NEK7: variants seen among roughly 807,000 people sequenced by gnomAD.
The protein encoded by NEK7 is NIMA related kinase 7.
A neutral mutation model predicts 44.6 loss-of-function variants in NEK7; 18 were observed. That is an observed-to-expected ratio of 0.40 (90% confidence interval 0.28 to 0.60). NEK7 has a LOEUF of 0.60. Among genes scored for constraint, NEK7 ranks in the 20% least tolerant of loss-of-function variants. NEK7 has a pLI of 0.38. For synonymous variants in NEK7, 130 were observed against 121.1 expected (o/e 1.07, Z -0.48); for missense variants, 256 against 366.5 (o/e 0.70, Z 2.46).
intron 1 of NEK7, among the ~76,000 whole-genome samples, chr1:198,231,705 A>G (rs1666403168): frequency 6.6e-6 from 1 of 152,078 alleles, no homozygotes; most frequent in Admixed American, 6.6e-5. Flanking sequence ...TAGAAAGACA[A>G]GTCACAGGGT....
intron 7 of NEK7, among the ~76,000 whole-genome samples, chr1:198,286,164 C>G (rs1654362504): frequency 6.6e-6 from 1 of 152,150 alleles, no homozygotes; most frequent in Non-Finnish European, 1.5e-5. Context: ...CTCATATGGA[C>G]TAAGTGCCAT....
chr1:198,316,765 G>A (rs939784884), intron 9 of NEK7, among the ~76,000 whole-genome samples: 3 of 152,122 alleles, frequency 2.0e-5, no homozygotes, highest in African/African-American at 7.2e-5. Flanking sequence ...ATACTCCATT[G>A]GAAACTATTG....
chr1:198,283,456 A>G (rs1654272671), intron 7 of NEK7, among the ~76,000 whole-genome samples: 1 of 152,056 alleles, frequency 6.6e-6, no homozygotes, highest in Non-Finnish European at 1.5e-5. Context: ...TCTGTGATCT[A>G]AACGGTTGTT....
In NEK7 at chr1:198,218,864, CT is replaced by C. The variant is rs1474944877; in HGVS notation, c.-28-13687del. ...AATTAAAACCACAATGAGATACCAC[CT>C]TACCCCAGCCAGAATGGCCCTTATT... On this transcript the variant is annotated intron_variant, in intron 1 of 9. Transcript: ENST00000367385. 9.2e-5 allele frequency among the ~76,000 whole-genome samples: 14 copies of C among 152,132 alleles called. No individual in the cohort carries two copies. The South Asian group carries it at 1.2e-3, about 14-fold the overall frequency.
intron 1 of NEK7, among the ~76,000 whole-genome samples, chr1:198,231,301 G>GTGTA (rs1429354895): frequency 1.3e-4 from 11 of 86,956 alleles, no homozygotes; most frequent in South Asian, 8.8e-4. Context: ...ATGTGTGTGT[G>GTGTA]TATATATATA....
intron 5 of NEK7, among the ~76,000 whole-genome samples, chr1:198,274,482 C>A (rs1653956301): frequency 6.6e-6 from 1 of 151,526 alleles, no homozygotes; most frequent in Non-Finnish European, 1.5e-5. Flanking sequence ...CTGAAATTTT[C>A]TTTTTTAAAG....
chr1:198,271,925 A>ATATAT (rs1558088708), intron 5 of NEK7, among the ~76,000 whole-genome samples: 24 of 135,758 alleles, frequency 1.8e-4, no homozygotes, highest in African/African-American at 6.4e-4. Context: ...ATATATATAT[A>ATATAT]CACACACACA....
At position 198,253,150 on chromosome 1, in the gene NEK7, T is replaced by C; in HGVS notation, c.168T>C (p.Asp56=). 1 of 1,610,780 alleles carries C rather than the reference T, an allele frequency of 6.2e-7. No homozygotes were observed. The highest frequency in any genetic ancestry group is 8.5e-7 in the Non-Finnish European group (1 of 1,177,564). Residue 56 remains aspartate, a synonymous_variant, in exon 3 of 10, where the codon GAT becomes GAC. Coordinates refer to ENST00000367385, the MANE Select transcript of NEK7 (RefSeq NM_133494.3). ...SEVYRAACLL[D]GVPVALKKVQ... ...TTTATAGAGCAGCCTGTCTCTTGGATGGAGTACCAGTAGCTTTAAAAAAAG... is the reference window on the plus strand; with the variant it reads ...TTTATAGAGCAGCCTGTCTCTTGGACGGAGTACCAGTAGCTTTAAAAAAAG...
chr1:198,314,419 T>C (rs1226465309), intron 9 of NEK7, among the ~76,000 whole-genome samples: 1 of 152,244 alleles, frequency 6.6e-6, no homozygotes. Context: ...GTCTGAAGTC[T>C]TCTTCTCTCA....
chr1:198,253,566 A>G (rs1276612937), intron 3 of NEK7, among the ~76,000 whole-genome samples: 3 of 152,180 alleles, frequency 2.0e-5, no homozygotes, highest in South Asian at 4.1e-4. Flanking sequence ...AAGTTAGTAA[A>G]TGGCAGTTAA....
chr1:198,295,839 T>C (rs1355068277), intron 8 of NEK7, among the ~76,000 whole-genome samples: 2 of 150,544 alleles, frequency 1.3e-5, no homozygotes, highest in African/African-American at 4.9e-5. Flanking sequence ...ATTATTATTA[T>C]TGTGGTTCTT....
intron 2 of NEK7, among the ~76,000 whole-genome samples, chr1:198,243,068 G>A (rs1047556704): frequency 2.0e-5 from 3 of 151,950 alleles, no homozygotes; most frequent in African/African-American, 7.2e-5. Flanking sequence ...TGAACACATC[G>A]AGTTCATTTC....
rs1342515568 is a variant in NEK7 at position 198,321,020 on chromosome 1, A to G, written c.*1498A>G. 6.6e-6 allele frequency: 1 copy of G among 152,128 alleles called. No individual in the cohort carries two copies. The highest frequency in any genetic ancestry group is 6.5e-5 in the Admixed American group (1 of 15,270). The allele number at this position is 152,128 out of a possible 1,614,324, so 9.4% of individuals were successfully genotyped here. A position where few individuals can be genotyped will look rare whatever the true frequency, so the allele number is the denominator to read the frequency against. ...GCCAAGAGGAAGTCACTGTTAAAGG[A>G]CTCTGTGCCATCTTACAACCTTGGA... On this transcript the variant is annotated 3_prime_UTR_variant, in exon 10 of 10. Coordinates refer to ENST00000367385, the MANE Select transcript of NEK7 (RefSeq NM_133494.3).
At chr1:198,157,576 C>T (rs145020790) in intron 1 of NEK7, among the ~76,000 whole-genome samples, 4,441 of 152,340 alleles carry the variant, frequency 0.029, 117 homozygotes, top group African/African-American at 0.063. Flanking sequence ...ACGGCGGCGG[C>T]GGCAACAGGT....
At chr1:198,252,623 ATATG>A (rs71133920) in intron 2 of NEK7, among the ~76,000 whole-genome samples, 25,678 of 143,910 alleles carry the variant, frequency 0.18, 3,382 homozygotes, top group African/African-American at 0.33. Flanking sequence ...TAAAACATGT[ATATG>A]TATGTTTTAT....
At chr1:198,271,941 A>G (rs912747349) in intron 5 of NEK7, among the ~76,000 whole-genome samples, 10 of 148,386 alleles carry the variant, frequency 6.7e-5, no homozygotes, top group African/African-American at 2.4e-4. Context: ...ACACACACAC[A>G]CATAGATACA....
intron 1 of NEK7, among the ~76,000 whole-genome samples, chr1:198,208,739 T>G (rs949454196): frequency 6.6e-6 from 1 of 152,208 alleles, no homozygotes; most frequent in African/African-American, 2.4e-5. Flanking sequence ...AAGGCTTGTT[T>G]ATGATGTTTA....
At chr1:198,260,027 G>T (rs12731191) in intron 3 of NEK7, among the ~76,000 whole-genome samples, 26,212 of 152,028 alleles carry the variant, frequency 0.17, 3,198 homozygotes, top group African/African-American at 0.31. Context: ...ACTGCAAGAT[G>T]GTTTTCTTAT....
chr1:198,198,039 A>T (rs1205283511), intron 1 of NEK7: 3 of 1,505,346 alleles, frequency 2.0e-6, no homozygotes, highest in Non-Finnish European at 2.7e-6. Context: ...CTGGGGGGAA[A>T]GCTGGATTGC....
Sources: gnomAD v4.1 joint callset for allele counts (sites outside exome capture counted in the v4.1 genomes callset) on GRCh38, gnomAD v4.1.1 for gene constraint, MANE v1.5 for transcripts, NCBI Gene and HGNC (gene_info 2026-07-23, HGNC 2026-07-21) for gene names.